The following ZSCAN5B variants were observed in gnomAD, a reference collection of about 807,000 sequenced individuals.
ZSCAN5B encodes the protein zinc finger and SCAN domain containing 5B.
ZSCAN5B carries 26 observed loss-of-function variants against 25.2 expected under a neutral mutation model. The observed-to-expected ratio is 1.03, with a 90% CI of 0.76 to 1.43. The LOEUF (loss-of-function observed/expected upper bound fraction) is 1.43, where lower values mean the gene tolerates loss of function less well. Among genes scored for constraint, ZSCAN5B ranks in the 40% most tolerant of loss-of-function variants. The pLI is 0.00. For missense variants in ZSCAN5B, 745 were observed against 622.1 expected (o/e 1.20, Z -2.10); for synonymous variants, 244 against 240.9 (o/e 1.01, Z -0.12).
Position 56,193,196 on chromosome 19 carries a change from T to C in ZSCAN5B, c.-127-17A>G, listed in dbSNP as rs1239195709. On this transcript the variant is annotated splice_polypyrimidine_tract_variant and intron_variant, in intron 1 of 4. Transcript: ENST00000586855. Reference sequence around the variant, plus strand: ...TTCAGAAGTCTGCAGGAAAAAAGCATGAGCCCGATTATTTTAACTTTCTAC... The same window carrying C: ...TTCAGAAGTCTGCAGGAAAAAAGCACGAGCCCGATTATTTTAACTTTCTAC... The C allele has an allele frequency of 2.0e-6, 2 of 1,000,348 alleles. No homozygotes were observed. The highest frequency in any genetic ancestry group is 2.0e-5 in the South Asian group (1 of 50,944). The allele number at this position is 1,000,348 out of a possible 1,614,324, so 62.0% of individuals were successfully genotyped here.
chr19:56,196,696 A>G (rs1342052627), intron 1 of ZSCAN5B, among the ~76,000 whole-genome samples: 1 of 152,208 alleles, frequency 6.6e-6, no homozygotes, highest in African/African-American at 2.4e-5. Flanking sequence ...GGATCACTTC[A>G]GCCCAGCAGT....
chr19:56,197,217 G>A (rs985938408), intron 1 of ZSCAN5B, among the ~76,000 whole-genome samples: 2 of 150,622 alleles, frequency 1.3e-5, no homozygotes, highest in African/African-American at 4.9e-5. Context: ...TTGTTACCCA[G>A]GCTGGAGTGC....
At chr19:56,192,045 G>T (rs1347699678) in exon 3 of ZSCAN5B, 2 of 1,611,416 alleles carry the variant, frequency 1.2e-6, no homozygotes, top group South Asian at 2.2e-5. Flanking sequence ...CGAGCAAGTT[G>T]ACTATAGACT....
At chr19:56,192,171 T>C (rs1054558220) in intron 2 of ZSCAN5B, 118 bp from the exon 3 acceptor site, 5 of 991,402 alleles carry the variant, frequency 5.0e-6, no homozygotes, top group Non-Finnish European at 7.4e-6. Flanking sequence ...TCTACCTTCC[T>C]GATGCAGAAT....
At chr19:56,195,226 A>G (rs531571726) in intron 1 of ZSCAN5B, among the ~76,000 whole-genome samples, 9 of 152,248 alleles carry the variant, frequency 5.9e-5, no homozygotes, top group African/African-American at 2.2e-4. Flanking sequence ...GGAGGAGACA[A>G]TATTTACACA....
intron 2 of ZSCAN5B, 143 bp downstream of exon 2, chr19:56,192,526 G>A (rs2122199456): frequency 1.4e-6 from 2 of 1,398,394 alleles, no homozygotes; most frequent in African/African-American, 1.4e-5. Flanking sequence ...CACACAGTGT[G>A]TGGGTTCCTG....
exon 5 of ZSCAN5B, chr19:56,190,489 C>T (rs1367427617): frequency 6.2e-7 from 1 of 1,613,896 alleles, no homozygotes; most frequent in Non-Finnish European, 8.5e-7. Flanking sequence ...TCTCTCTCCA[C>T]AACGCAGGCA....
chr19:56,190,524 T>G, exon 5 of ZSCAN5B: 1 of 1,613,772 alleles, frequency 6.2e-7, no homozygotes, highest in Non-Finnish European at 8.5e-7. Flanking sequence ...ATCCACATTT[T>G]CCACAGAGGC....
At chr19:56,191,926 T>C in exon 3 of ZSCAN5B, 1 of 1,614,086 alleles carries the variant, frequency 6.2e-7, no homozygotes, top group Non-Finnish European at 8.5e-7. Context: ...CGGATGCATC[T>C]GGTTCACAGA....
chr19:56,192,859 A>G (rs760746165), exon 2 of ZSCAN5B: 1 of 1,613,944 alleles, frequency 6.2e-7, no homozygotes, highest in East Asian at 2.2e-5. Context: ...CAGCTCAGTG[A>G]GTTTCCTCAG....
exon 5 of ZSCAN5B, chr19:56,189,902 G>T (rs771934632): frequency 7.4e-6 from 12 of 1,613,868 alleles, no homozygotes; most frequent in African/African-American, 5.3e-5. Context: ...CCTTTTGACA[G>T]GTGGGACATT....
exon 5 of ZSCAN5B, chr19:56,189,950 G>T: frequency 1.9e-6 from 3 of 1,614,000 alleles, no homozygotes; most frequent in Non-Finnish European, 1.7e-6. Flanking sequence ...GCTGGTGAAC[G>T]TTCAGGTTCC....
exon 5 of ZSCAN5B, chr19:56,189,814 C>A: frequency 1.3e-6 from 2 of 1,596,840 alleles, no homozygotes; most frequent in East Asian, 2.2e-5. Flanking sequence ...AGGATGTGGA[C>A]CTGACTCTGG....
rs1055616926 is a variant in ZSCAN5B at position 56,197,642 on chromosome 19, T to C, written c.-128+92A>G. On this transcript the variant is annotated intron_variant, in intron 1 of 4. Transcript: ENST00000586855. ...TGCCTTCACAAAGTCTCCGAGAAAA[T>C]AAATGCATGAGAAAATAAACCCAAA... 4.6e-6 allele frequency: 3 copies of C among 649,414 alleles called. No homozygotes were observed. The African/African-American group carries it at 6.1e-5, about 13-fold the overall frequency. The allele number at this position is 649,414 out of a possible 1,614,324, so 40.2% of individuals were successfully genotyped here.
At chr19:56,190,121 G>A in exon 5 of ZSCAN5B, 2 of 1,614,038 alleles carry the variant, frequency 1.2e-6, no homozygotes, top group Non-Finnish European at 1.7e-6. Context: ...GGTGAACTCG[G>A]AGGTCTGAGG....
chr19:56,190,526 C>T (rs2122192920), exon 5 of ZSCAN5B: 1 of 1,613,744 alleles, frequency 6.2e-7, no homozygotes, highest in Non-Finnish European at 8.5e-7. Flanking sequence ...CCACATTTTC[C>T]ACAGAGGCTC....
At chr19:56,190,187 T>C (rs1180221129) in exon 5 of ZSCAN5B, 1 of 1,613,974 alleles carries the variant, frequency 6.2e-7, no homozygotes, top group African/African-American at 1.3e-5. Context: ...CTCCTGTGTG[T>C]GACCTCCTGT....
rs372861588 is a variant in ZSCAN5B at position 56,191,834 on chromosome 19, G to C, written c.588+16C>G. 151 of 1,611,776 alleles carry C rather than the reference G, an allele frequency of 9.4e-5. No individual in the cohort carries two copies. Among genetic ancestry groups the C allele is most frequent in the Non-Finnish European group, 1.2e-4 (143 of 1,178,548 alleles). ...TCTCCCACCTCTGCCCAGACACCAA[G>C]GCCTCACACACTCACCTGCCTCCTG... On this transcript the variant is annotated intron_variant, in intron 3 of 4. Transcript: ENST00000586855.
exon 2 of ZSCAN5B, chr19:56,192,670 C>A (rs770661446): frequency 1.3e-6 from 2 of 1,592,160 alleles, no homozygotes; most frequent in South Asian, 2.3e-5. Flanking sequence ...CCCACTCACC[C>A]ATTTCTTGGG....
Sources: gnomAD v4.1 joint callset for allele counts (sites outside exome capture counted in the v4.1 genomes callset) on GRCh38, gnomAD v4.1.1 for gene constraint, MANE v1.5 for transcripts, NCBI Gene and HGNC (gene_info 2026-07-23, HGNC 2026-07-21) for gene names.